The following SCTR variants were observed in gnomAD, a reference collection of about 807,000 sequenced individuals.
The protein encoded by SCTR is pancreatic secretin receptor.
SCTR carries 56 observed loss-of-function variants against 60.8 expected under a neutral mutation model. The observed-to-expected ratio is 0.92, with a 90% CI of 0.74 to 1.15. The LOEUF (loss-of-function observed/expected upper bound fraction) is 1.15. Ranked by LOEUF, SCTR falls within the 50% of genes most tolerant of loss-of-function variation. SCTR has a pLI of 0.00. For missense variants in SCTR, 562 were observed against 550.4 expected, an observed-to-expected ratio of 1.02 and a Z score of -0.21; for synonymous variants, 202 against 217.0, an observed-to-expected ratio of 0.93 and a Z score of 0.61.
chr2:119,447,530 GAGA>G (rs967581261), intron 10 of SCTR, among the ~76,000 whole-genome samples: 23 of 152,292 alleles, frequency 1.5e-4, no homozygotes, highest in African/African-American at 5.3e-4. Context: ...AAACACCATG[GAGA>G]AGGTCTCTGG....
chr2:119,520,503 G>A (rs1401702831), intron 1 of SCTR, among the ~76,000 whole-genome samples: 1 of 152,186 alleles, frequency 6.6e-6, no homozygotes, highest in East Asian at 1.9e-4. Flanking sequence ...AGCTCTGCAG[G>A]CAACGCTTGC....
intron 7 of SCTR, among the ~76,000 whole-genome samples, chr2:119,455,856 A>T (rs1683354277): frequency 6.6e-6 from 1 of 152,190 alleles, no homozygotes; most frequent in Non-Finnish European, 1.5e-5. Context: ...TTTTCAGATG[A>T]AAGGGACACC....
chr2:119,446,001 A>G (rs1026127922), intron 11 of SCTR, among the ~76,000 whole-genome samples: 1 of 152,234 alleles, frequency 6.6e-6, no homozygotes, highest in African/African-American at 2.4e-5. Context: ...GAGTAAATAA[A>G]CAAACGGCAT....
Position 119,462,937 on chromosome 2 carries a change from T to A in SCTR, c.637-937A>T, listed in dbSNP as rs151016317. Reference sequence around the variant, plus strand: ...CATTGCTGGCCTTGTCCACTGCTGGTCAGTAATGAAGCGTGGCTAGGATTT... The same window carrying A: ...CATTGCTGGCCTTGTCCACTGCTGGACAGTAATGAAGCGTGGCTAGGATTT... On this transcript the variant is annotated intron_variant, in intron 6 of 12. Coordinates refer to ENST00000019103, the MANE Select transcript of SCTR (RefSeq NM_002980.3). Among the ~76,000 whole-genome samples the A allele has an allele frequency of 7.2e-3, 1,094 of 152,244 alleles. 10 individuals are homozygous for A. Among genetic ancestry groups the A allele is most frequent in the Non-Finnish European group, 9.0e-3 (614 of 67,996 alleles).
At chr2:119,465,558 T>C (rs1476568584) in intron 5 of SCTR, among the ~76,000 whole-genome samples, 1 of 152,086 alleles carries the variant, frequency 6.6e-6, no homozygotes, top group Non-Finnish European at 1.5e-5. Context: ...TTAGAATACA[T>C]ATAAAGCGAC....
At position 119,453,271 on chromosome 2, in the gene SCTR, C is replaced by A; in HGVS notation, c.851+16G>T. ...ATGTCAGATACATTCTTGTTATCCTCCTTCCGTTAGCTTACCCAACATCTT... is the reference window on the plus strand; with the variant it reads ...ATGTCAGATACATTCTTGTTATCCTACTTCCGTTAGCTTACCCAACATCTT... On this transcript the variant is annotated intron_variant, in intron 8 of 12. Coordinates refer to ENST00000019103, the MANE Select transcript of SCTR (RefSeq NM_002980.3). 6.3e-7 allele frequency: 1 copy of A among 1,581,150 alleles called. No homozygotes were observed. Among genetic ancestry groups the A allele is most frequent in the Non-Finnish European group, 8.7e-7 (1 of 1,150,010 alleles).
At position 119,441,093 on chromosome 2, in the gene SCTR, C is replaced by G. The variant is rs1009533898; in HGVS notation, c.1182+465G>C. On this transcript the variant is annotated intron_variant, in intron 12 of 12. Transcript: ENST00000019103. ...GGAGTCAGTGCTCATCTGGAGGTCC[C>G]TAAGGATTGAGCTGCAGACAGTTCT... Among the ~76,000 whole-genome samples, 5 of 152,290 alleles carry G rather than the reference C, an allele frequency of 3.3e-5. No individual in the cohort carries two copies. In the East Asian group the frequency reaches 9.7e-4, roughly 29 times the overall value.
chr2:119,488,878 A>G (rs1678002463), intron 2 of SCTR, among the ~76,000 whole-genome samples: 1 of 152,208 alleles, frequency 6.6e-6, no homozygotes, highest in Admixed American at 6.5e-5. Flanking sequence ...CTCTAGCCCA[A>G]GAGCCCCATA....
At chr2:119,468,812 T>C (rs986833428) in intron 4 of SCTR, among the ~76,000 whole-genome samples, 14 of 152,268 alleles carry the variant, frequency 9.2e-5, no homozygotes, top group African/African-American at 2.9e-4. Context: ...GATTGTGTCA[T>C]CTGTAGAGTA....
intron 9 of SCTR, among the ~76,000 whole-genome samples, chr2:119,449,887 T>C (rs1683078559): frequency 6.6e-6 from 1 of 151,220 alleles, no homozygotes; most frequent in Non-Finnish European, 1.5e-5. Flanking sequence ...TTTAGTTTAA[T>C]TTTGTTTGCC....
chr2:119,452,616 T>A (rs1342504344), intron 8 of SCTR, among the ~76,000 whole-genome samples: 1 of 152,198 alleles, frequency 6.6e-6, no homozygotes, highest in Non-Finnish European at 1.5e-5. Context: ...TTTGAAAAAG[T>A]GAATTCACCC....
In SCTR at chr2:119,444,186, A is replaced by G. The variant is rs61090204; in HGVS notation, c.1140+2573T>C. ...ATACACATATGTATATATACATATG[A>G]ATATATACACATATGTATATATACA... On this transcript the variant is annotated intron_variant, in intron 11 of 12. Coordinates refer to ENST00000019103, the MANE Select transcript of SCTR (RefSeq NM_002980.3). 7.4e-4 allele frequency among the ~76,000 whole-genome samples: 103 copies of G among 139,974 alleles called. 1 individual carries two copies. The highest frequency in any genetic ancestry group is 2.9e-3 in the African/African-American group (99 of 33,838). The allele number at this position is 139,974 out of a possible 152,430, so 91.8% of individuals were successfully genotyped here.
intron 5 of SCTR, 113 bp downstream of exon 5, chr2:119,465,673 AGAC>A: frequency 1.4e-6 from 1 of 703,416 alleles, no homozygotes; most frequent in South Asian, 1.7e-5. Flanking sequence ...TTAGATCAAG[AGAC>A]GACAAGGTAG....
At position 119,478,516 on chromosome 2, in the gene SCTR, G is replaced by A. The variant is rs549339103; in HGVS notation, c.301+295C>T. Among the ~76,000 whole-genome samples the A allele has an allele frequency of 5.3e-5, 8 of 152,298 alleles. No homozygotes were observed. The East Asian group carries it at 1.5e-3, about 29-fold the overall frequency. Reference sequence around the variant, plus strand: ...TGGTTGCTAAGGGGGCAGAAACATGGAAGGAAGGAAGAGAGCTCCTAGCTG... The same window carrying A: ...TGGTTGCTAAGGGGGCAGAAACATGAAAGGAAGGAAGAGAGCTCCTAGCTG... On this transcript the variant is annotated intron_variant, in intron 3 of 12. Transcript: ENST00000019103.
intron 2 of SCTR, among the ~76,000 whole-genome samples, chr2:119,481,464 AGAATTCCCCAAAAAT>A (rs1356404079): frequency 1.3e-5 from 2 of 152,196 alleles, no homozygotes; most frequent in Non-Finnish European, 2.9e-5. Context: ...CTGCATTTTA[AGAATTCCCCAAAAAT>A]GCCGCTGAAG....
chr2:119,456,571 G>A (rs1308581004), intron 7 of SCTR, among the ~76,000 whole-genome samples: 1 of 152,132 alleles, frequency 6.6e-6, no homozygotes, highest in East Asian at 1.9e-4. Context: ...TGAAAGCTAA[G>A]GGAGCTGAGC....
chr2:119,467,676 G>C (rs188283343), intron 4 of SCTR, among the ~76,000 whole-genome samples: 1 of 151,148 alleles, frequency 6.6e-6, no homozygotes, highest in South Asian at 2.1e-4. Flanking sequence ...ACATGAAGAT[G>C]TTTATCACAG....
In SCTR at chr2:119,524,408, CCG is replaced by C; in HGVS notation, c.-184_-183del. The C allele has an allele frequency of 2.5e-6, 1 of 393,186 alleles. No homozygotes were observed. The allele number at this position is 393,186 out of a possible 1,614,324, so 24.4% of individuals were successfully genotyped here. ...GACTGCTCCTCCTCGGACCAGGTGG[CCG>C]CGCGCGCTAAGCCGCCCGCCCCATT... On this transcript the variant is annotated 5_prime_UTR_variant, in exon 1 of 13. Transcript: ENST00000019103.
At chr2:119,464,090 C>T (rs572884826) in intron 6 of SCTR, 33 bp downstream of exon 6, 5 of 1,613,108 alleles carry the variant, frequency 3.1e-6, no homozygotes, top group African/African-American at 1.3e-5. Context: ...GCAGGCGGGC[C>T]TGGCGACATC....
Sources: allele counts gnomAD v4.1 joint callset (sites outside exome capture counted in the v4.1 genomes callset), GRCh38; gene constraint gnomAD v4.1.1; transcripts MANE v1.5; gene names NCBI Gene and HGNC (gene_info 2026-07-23, HGNC 2026-07-21).